The following MAEA variants were observed in gnomAD, a reference collection of about 807,000 sequenced individuals.
MAEA encodes macrophage erythroblast attacher, E3 ubiquitin ligase.
MAEA carries 22 observed loss-of-function variants against 46.2 expected under a neutral mutation model. The observed-to-expected ratio is 0.48, with a 90% confidence interval of 0.34 to 0.68. The LOEUF (loss-of-function observed/expected upper bound fraction) is 0.68, where lower values mean the gene tolerates loss of function less well. Among genes scored for constraint, MAEA ranks in the 30% least tolerant of loss-of-function variants. The probability of loss-of-function intolerance (pLI) is 0.01; values close to 1 mark genes in which losing one functional copy is unlikely to be tolerated. For missense variants in MAEA, 393 were observed against 558.1 expected, an observed-to-expected ratio of 0.70 and a Z score of 2.98; for synonymous variants, 246 against 222.6, an observed-to-expected ratio of 1.11 and a Z score of -0.94.
chr4:1,330,018 CTG>C (rs1739335885), intron 5 of MAEA: 3 of 985,532 alleles, frequency 3.0e-6, no homozygotes, highest in Non-Finnish European at 3.6e-6. Flanking sequence ...GTCCTGCTGT[CTG>C]TGGAGCCAGC....
chr4:1,305,127 A>AT lies in MAEA; in HGVS notation c.70-6842dup, dbSNP rs892143842. On this transcript the variant is annotated intron_variant, in intron 1 of 8. Transcript: ENST00000303400. ...CCCATGCTTTTGTCTTCATTTTTTCATTTTTTTTTTGGTGGATCGTTAAGG... is the reference window on the plus strand; with the variant it reads ...CCCATGCTTTTGTCTTCATTTTTTCATTTTTTTTTTTGGTGGATCGTTAAGG... 2.1e-3 allele frequency among the ~76,000 whole-genome samples: 308 copies of AT among 145,690 alleles called. 1 individual carries two copies. Among genetic ancestry groups the AT allele is most frequent in the African/African-American group, 6.7e-3 (265 of 39,728 alleles).
intron 1 of MAEA, chr4:1,298,148 G>GC (rs1734949659): frequency 2.2e-6 from 1 of 449,468 alleles, no homozygotes; most frequent in East Asian, 7.0e-5. Flanking sequence ...TTCTCCATGA[G>GC]CCCCCCATGC....
Position 1,308,620 on chromosome 4 carries a change from G to A in MAEA, c.70-3359G>A, listed in dbSNP as rs368378298. Among the ~76,000 whole-genome samples, 102 of 152,358 alleles carry A rather than the reference G, an allele frequency of 6.7e-4. 3 individuals are homozygous for A. In the South Asian group the frequency reaches 0.015, roughly 23 times the overall value. ...GAGTGATCGCCGTCCTAACGGGCAC[G>A]AGGTGATGCCTCACGTCTGCACTTG... On this transcript the variant is annotated intron_variant, in intron 1 of 8. Transcript: ENST00000303400.
In MAEA at chr4:1,312,090, T is replaced by C; in HGVS notation, c.181T>C (p.Cys61Arg). The stretch of plus-strand genomic sequence containing the variant: ...CGAGCTGGAGAAGACGTTGAGCGGC[T>C]GCCCCGCCGTGGACTCCGTGGTCAG... ...VAELEKTLSGCPAVDSVVSLL... is the reference protein window; with the variant it reads ...VAELEKTLSGRPAVDSVVSLL... Residue 61 changes from cysteine to arginine, a missense_variant, in exon 2 of 9, where the codon TGC (cysteine) becomes CGC (arginine). Physicochemically the swap from Cys to Arg is radical, Grantham distance 180. Around this residue, in one of 2 missense-constraint regions of MAEA, gnomAD observed 358 missense variants for 537.9 expected, o/e 0.67. Coordinates refer to ENST00000303400, the MANE Select transcript of MAEA (RefSeq NM_001017405.3). The C allele has an allele frequency of 6.2e-7, 1 of 1,613,436 alleles. No individual in the cohort carries two copies. Among genetic ancestry groups the C allele is most frequent in the Non-Finnish European group, 8.5e-7 (1 of 1,180,032 alleles).
chr4:1,339,259 C>A lies in MAEA; in HGVS notation c.*90C>A, dbSNP rs115778312. On this transcript the variant is annotated 3_prime_UTR_variant, in exon 9 of 9. Transcript: ENST00000303400. ...TCCTGTCCCACGCTCCAGCCTGCCGCGGCGTTTCTGTTTCTTGCGACCAAA... is the reference window on the plus strand; with the variant it reads ...TCCTGTCCCACGCTCCAGCCTGCCGAGGCGTTTCTGTTTCTTGCGACCAAA... The A allele has an allele frequency of 4.3e-6, 4 of 926,338 alleles. No individual in the cohort carries two copies. The highest frequency in any genetic ancestry group is 3.3e-5 in the African/African-American group (2 of 60,856). 57.4% of individuals were successfully genotyped at this position (926,338 alleles called of 1,614,324 possible). A position where few individuals can be genotyped will look rare whatever the true frequency, so the allele number is the denominator to read the frequency against.
intron 2 of MAEA, 94 bp from the exon 3 acceptor site, chr4:1,315,303 T>G: frequency 2.6e-6 from 3 of 1,162,558 alleles, no homozygotes; most frequent in Non-Finnish European, 3.8e-6. Context: ...CTTTTCTCCT[T>G]GTGAGTGTTG....
chr4:1,329,010 G>A (rs1009519864), intron 5 of MAEA: 56 of 986,318 alleles, frequency 5.7e-5, no homozygotes, highest in Non-Finnish European at 6.6e-5. Flanking sequence ...GTGTGGCCTC[G>A]GTGCCTGTGT....
rs887646418 is a variant in MAEA, at chr4:1,311,271, G to C, written c.70-708G>C. On this transcript the variant is annotated intron_variant, in intron 1 of 8. Transcript: ENST00000303400. The surrounding 1 kb of genome is among the most constrained non-coding windows in gnomAD (Gnocchi z 4.4). The stretch of plus-strand genomic sequence containing the variant: ...AGCCCGGCCACGGAGGCCGGGGAGC[G>C]CTGGGGCGTGATTCTGTCGTGCCGC... 6.6e-6 allele frequency among the ~76,000 whole-genome samples: 1 copy of C among 152,250 alleles called. No individual in the cohort carries two copies. Among genetic ancestry groups the C allele is most frequent in the African/African-American group, 2.4e-5 (1 of 41,476 alleles).
intron 1 of MAEA, among the ~76,000 whole-genome samples, chr4:1,295,442 G>C (rs1283430953): frequency 6.6e-6 from 1 of 151,938 alleles, no homozygotes; most frequent in East Asian, 1.9e-4. Flanking sequence ...CTGTGGACCC[G>C]GACCGGGACC....
intron 2 of MAEA, among the ~76,000 whole-genome samples, chr4:1,313,763 T>C (rs1194226688): frequency 6.6e-6 from 1 of 151,198 alleles, no homozygotes; most frequent in East Asian, 2.0e-4. Context: ...ACAGACAGTA[T>C]AAAAAGTGAT....
chr4:1,331,269 A>G, intron 5 of MAEA: 1 of 146,282 alleles, frequency 6.8e-6, no homozygotes, highest in Non-Finnish European at 1.5e-5. Context: ...CTCACCCCCG[A>G]CTCCCAGTCC....
rs192578994 is a variant in MAEA at position 1,291,142 on chromosome 4, C to T, written c.69+1160C>T. Among the ~76,000 whole-genome samples the T allele has an allele frequency of 2.2e-3, 336 of 152,292 alleles. 1 individual carries two copies. Among genetic ancestry groups the T allele is most frequent in the African/African-American group, 7.8e-3 (324 of 41,546 alleles). On this transcript the variant is annotated intron_variant, in intron 1 of 8. Coordinates refer to ENST00000303400, the MANE Select transcript of MAEA (RefSeq NM_001017405.3). ...AGGAAAGCAGAAGCAAGCTTCTCCT[C>T]CTCTTTATTAACTAGCGGTTTATTT...
At chr4:1,329,942 G>A (rs1739325624) in intron 5 of MAEA, 3 of 985,450 alleles carry the variant, frequency 3.0e-6, no homozygotes, top group Non-Finnish European at 3.6e-6. Flanking sequence ...CTGGAGCGTC[G>A]GGCACCATCT....
At chr4:1,321,046 G>A (rs994630282) in intron 3 of MAEA, among the ~76,000 whole-genome samples, 30 of 152,320 alleles carry the variant, frequency 2.0e-4, no homozygotes, top group African/African-American at 7.2e-4. Flanking sequence ...CTTGCAGTGA[G>A]TGGAGATTGC....
At chr4:1,323,894 T>C (rs1577207881) in intron 4 of MAEA, among the ~76,000 whole-genome samples, 2 of 152,174 alleles carry the variant, frequency 1.3e-5, no homozygotes. Context: ...GGGGGACGAG[T>C]GTGCCTGGTG....
At chr4:1,325,617 C>T (rs1315725894) in intron 4 of MAEA, among the ~76,000 whole-genome samples, 2 of 152,324 alleles carry the variant, frequency 1.3e-5, no homozygotes, top group African/African-American at 4.8e-5. Context: ...TTAGACAGAG[C>T]CCCGGCACTC....
In MAEA at chr4:1,339,227, G is replaced by T; in HGVS notation, c.*58G>T. On this transcript the variant is annotated 3_prime_UTR_variant, in exon 9 of 9. Transcript: ENST00000303400. ...GGGCTGCAGTGGGCGGGGAGGCCACGCCTTCCTCCTGTCCCACGCTCCAGC... is the reference window on the plus strand; with the variant it reads ...GGGCTGCAGTGGGCGGGGAGGCCACTCCTTCCTCCTGTCCCACGCTCCAGC... 1 of 1,284,898 alleles carries T rather than the reference G, an allele frequency of 7.8e-7. No individual in the cohort carries two copies. The highest frequency in any genetic ancestry group is 1.1e-6 in the Non-Finnish European group (1 of 880,904). The allele number at this position is 1,284,898 out of a possible 1,614,324, so 79.6% of individuals were successfully genotyped here. A position where few individuals can be genotyped will look rare whatever the true frequency, so the allele number is the denominator to read the frequency against.
At chr4:1,328,697 G>A in intron 5 of MAEA, 1 of 1,276,746 alleles carries the variant, frequency 7.8e-7, no homozygotes, top group African/African-American at 1.5e-5. Context: ...TCACGATGAG[G>A]TGCTGAGGGT....
At chr4:1,299,028 C>G (rs1176123857) in intron 1 of MAEA, among the ~76,000 whole-genome samples, 1 of 152,066 alleles carries the variant, frequency 6.6e-6, no homozygotes, top group Non-Finnish European at 1.5e-5. Context: ...ACCACGGGCG[C>G]CTGCTTCCGT....
Sources: gnomAD v4.1 joint callset for allele counts (sites outside exome capture counted in the v4.1 genomes callset) on GRCh38, gnomAD v4.1.1 for gene constraint, gnomAD v4.1.1 regional missense constraint, Gnocchi (gnomAD v3.1) non-coding constraint, MANE v1.5 for transcripts, NCBI Gene and HGNC (gene_info 2026-07-23, HGNC 2026-07-21) for gene names.